The following PRELID2 variants were observed in gnomAD, a reference collection of about 807,000 sequenced individuals.
PRELID2 encodes the protein PRELI domain-containing protein 2.
In PRELID2, 25 loss-of-function variants were observed where a neutral mutation model predicts 28.4. That is an observed-to-expected ratio of 0.88 (90% CI 0.64 to 1.23). PRELID2 has a LOEUF of 1.23. PRELID2 is among the 50% of genes most tolerant of loss of function. PRELID2 has a pLI of 0.00. For missense variants in PRELID2, 201 were observed against 214.4 expected (o/e 0.94, Z 0.39); for synonymous variants, 76 against 71.6 (o/e 1.06, Z -0.31).
chr5:145,274,746 G>A, the PRELID2 span, among the ~76,000 whole-genome samples: 1 of 152,180 alleles, frequency 6.6e-6, no homozygotes, highest in Non-Finnish European at 1.5e-5. Flanking sequence ...CACAAGGAAA[G>A]CAATGGAAAT....
At chr5:145,567,547 T>C (rs1315241689) in intron 1 of PRELID2, among the ~76,000 whole-genome samples, 1 of 152,154 alleles carries the variant, frequency 6.6e-6, no homozygotes, top group Admixed American at 6.5e-5. Flanking sequence ...CTGGCTAGTT[T>C]TTGTACTTTT....
the PRELID2 span, among the ~76,000 whole-genome samples, chr5:145,421,761 T>C: frequency 7.3e-6 from 1 of 137,790 alleles, no homozygotes; most frequent in Non-Finnish European, 1.6e-5. Flanking sequence ...TAGTTATTTC[T>C]TGCCTTCTGC....
chr5:145,522,846 G>A (rs975776982), intron 1 of PRELID2, among the ~76,000 whole-genome samples: 1 of 151,018 alleles, frequency 6.6e-6, no homozygotes, highest in Admixed American at 6.6e-5. Context: ...GGAGGAGGAA[G>A]AGAAAAAGAA....
chr5:145,507,302 G>C (rs1011384685), intron 1 of PRELID2, among the ~76,000 whole-genome samples: 5 of 152,140 alleles, frequency 3.3e-5, no homozygotes, highest in Non-Finnish European at 7.3e-5. Context: ...AGTTCTAGCA[G>C]TGTATGACCT....
the PRELID2 span, among the ~76,000 whole-genome samples, chr5:145,428,143 G>C: frequency 6.6e-6 from 1 of 152,092 alleles, no homozygotes; most frequent in Non-Finnish European, 1.5e-5. Flanking sequence ...ATGTTTACTA[G>C]AGATGGGGTT....
intron 5 of PRELID2, among the ~76,000 whole-genome samples, chr5:145,776,447 G>C (rs1440257976): frequency 1.5e-5 from 2 of 131,562 alleles, no homozygotes; most frequent in Admixed American, 1.7e-4. Context: ...GTGAAAAGGT[G>C]AAAGTTCTCA....
chr5:145,730,690 T>TA lies in PRELID2; in HGVS notation n.70+34240dup, dbSNP rs200323361. ...CCCCTCATTCTAAAGTTCACCTTAA[T>TA]AAAAAAAAAACTGCCTAAATCCAAA... On this transcript the variant is annotated intron_variant and non_coding_transcript_variant, in intron 1 of 2. Transcript: ENST00000510259. Among the ~76,000 whole-genome samples, 369 of 147,642 alleles carry TA rather than the reference T, an allele frequency of 2.5e-3. 2 individuals are homozygous for TA. The East Asian group carries it at 0.03, about 12-fold the overall frequency.
intron 1 of PRELID2, among the ~76,000 whole-genome samples, chr5:145,694,345 C>A (rs1351252475): frequency 1.3e-5 from 2 of 151,876 alleles, no homozygotes; most frequent in African/African-American, 4.8e-5. Flanking sequence ...AGGGGGCAGT[C>A]TTTATGTTTA....
intron 5 of PRELID2, among the ~76,000 whole-genome samples, chr5:145,771,905 G>A (rs990568820): frequency 2.6e-5 from 4 of 152,148 alleles, no homozygotes; most frequent in African/African-American, 4.8e-5. Context: ...TGCATGGGAG[G>A]AAGGAAGAGA....
the PRELID2 span, among the ~76,000 whole-genome samples, chr5:145,267,954 T>A: frequency 6.6e-6 from 1 of 152,206 alleles, no homozygotes; most frequent in Non-Finnish European, 1.5e-5. Context: ...TATGTCTTTT[T>A]TTGAGAAATA....
At chr5:145,804,248 C>T (rs770782134) in intron 4 of PRELID2, among the ~76,000 whole-genome samples, 4 of 152,104 alleles carry the variant, frequency 2.6e-5, no homozygotes, top group Non-Finnish European at 5.9e-5. Context: ...ATATACCTCA[C>T]GCCTGAAATC....
chr5:145,285,278 G>T, the PRELID2 span, among the ~76,000 whole-genome samples: 964 of 152,248 alleles, frequency 6.3e-3, 3 homozygotes, highest in Non-Finnish European at 9.9e-3. Flanking sequence ...GGACTATAAT[G>T]TTGGGAGTTG....
intron 1 of PRELID2, among the ~76,000 whole-genome samples, chr5:145,719,702 C>G (rs1755936768): frequency 6.6e-6 from 1 of 151,934 alleles, no homozygotes; most frequent in Non-Finnish European, 1.5e-5. Context: ...TACATTTATA[C>G]AAACCTACCG....
downstream of PRELID2, among the ~76,000 whole-genome samples, chr5:145,753,942 T>C (rs1757192122): frequency 6.6e-6 from 1 of 152,068 alleles, no homozygotes; most frequent in African/African-American, 2.4e-5. Context: ...CCTCAGTCTT[T>C]CCAAGGCTTG....
intron 1 of PRELID2, among the ~76,000 whole-genome samples, chr5:145,609,725 T>C (rs560531722): frequency 2.0e-5 from 3 of 152,074 alleles, no homozygotes; most frequent in African/African-American, 7.2e-5. Context: ...ACCAGCTGAG[T>C]TCACACAGAA....
At chr5:145,342,963 G>A in the PRELID2 span, among the ~76,000 whole-genome samples, 70 of 144,946 alleles carry the variant, frequency 4.8e-4, no homozygotes, top group African/African-American at 1.7e-3. Context: ...TCCAGAAAAA[G>A]AATAAAACAA....
chr5:145,554,015 G>C (rs1335593585), intron 1 of PRELID2, among the ~76,000 whole-genome samples: 12 of 152,174 alleles, frequency 7.9e-5, no homozygotes. Context: ...AGAAGGAAGA[G>C]GGCTGGAGGA....
chr5:145,491,622 C>T (rs1301506799), intron 1 of PRELID2, among the ~76,000 whole-genome samples: 1 of 151,980 alleles, frequency 6.6e-6, no homozygotes, highest in Admixed American at 6.6e-5. Context: ...CTATAGTTAT[C>T]ATATTGTACA....
the PRELID2 span, among the ~76,000 whole-genome samples, chr5:145,274,076 A>C: frequency 0.37 from 56,091 of 151,898 alleles, 11,533 homozygotes; most frequent in African/African-American, 0.54. Context: ...TCTAAATGAG[A>C]CAAAAAGTGC....
Sources: gnomAD v4.1 joint callset for allele counts (sites outside exome capture counted in the v4.1 genomes callset) on GRCh38, gnomAD v4.1.1 for gene constraint, MANE v1.5 for transcripts, NCBI Gene and HGNC (gene_info 2026-07-23, HGNC 2026-07-21) for gene names.